Variants in SPOCK1 observed in about 807,000 individuals in gnomAD.
SPOCK1 encodes SPARC (osteonectin), cwcv and kazal like domains proteoglycan 1.
Under a neutral mutation model 55.3 loss-of-function variants are expected in SPOCK1, and 23 were observed. The ratio of observed to expected loss-of-function variants is 0.42; its 90% CI spans 0.30 to 0.59. SPOCK1 has a LOEUF of 0.59. SPOCK1 is among the 20% of genes least tolerant of loss of function. The pLI is 0.22. For synonymous variants in SPOCK1, 226 were observed against 221.0 expected, an observed-to-expected ratio of 1.02 and a Z score of -0.20; for missense variants, 499 against 552.5, an observed-to-expected ratio of 0.90 and a Z score of 0.97.
chr5:137,024,146 A>C (rs1157703738), intron 6 of SPOCK1, among the ~76,000 whole-genome samples: 3 of 151,992 alleles, frequency 2.0e-5, no homozygotes, highest in Non-Finnish European at 4.4e-5. Context: ...ACAGAAGAAA[A>C]CTTTGGCTTT....
intron 2 of SPOCK1, among the ~76,000 whole-genome samples, chr5:137,447,582 T>C (rs1462612039): frequency 6.6e-6 from 1 of 152,136 alleles, no homozygotes; most frequent in African/African-American, 2.4e-5. Context: ...GGCAAACACA[T>C]GGATTTACCA....
chr5:137,291,436 T>C (rs964769338), intron 2 of SPOCK1, among the ~76,000 whole-genome samples: 1 of 152,184 alleles, frequency 6.6e-6, no homozygotes, highest in Non-Finnish European at 1.5e-5. Context: ...GTGTAATTCC[T>C]TCACCTGAAA....
In SPOCK1 at chr5:137,373,591, A is replaced by G. The variant is rs1452929588; in HGVS notation, c.187-106536T>C. ...CAGACTGGGGGCAGCCAAGACCTGG[A>G]CCTATGCAGGTGAGGGTCCTGAATG... is the stretch of plus-strand genomic sequence containing the variant. On this transcript the variant is annotated intron_variant, in intron 2 of 10. Coordinates refer to ENST00000394945, the MANE Select transcript of SPOCK1 (RefSeq NM_004598.4). Among the ~76,000 whole-genome samples, 8 of 152,290 alleles carry G rather than the reference A, an allele frequency of 5.3e-5. No homozygotes were observed. In the East Asian group the frequency reaches 1.5e-3, roughly 29 times the overall value.
intron 3 of SPOCK1, among the ~76,000 whole-genome samples, chr5:137,195,286 C>T (rs1476170678): frequency 6.6e-6 from 1 of 152,222 alleles, no homozygotes; most frequent in Non-Finnish European, 1.5e-5. Context: ...GAGCCTCTGC[C>T]TATTTAGTGG....
At chr5:137,423,364 C>T (rs1040535194) in intron 2 of SPOCK1, among the ~76,000 whole-genome samples, 4 of 152,192 alleles carry the variant, frequency 2.6e-5, no homozygotes, top group African/African-American at 7.2e-5. Context: ...TTTTGTTTTC[C>T]ATGCCCTGCC....
chr5:136,989,526 A>T (rs1236332372), intron 7 of SPOCK1, among the ~76,000 whole-genome samples: 1 of 152,196 alleles, frequency 6.6e-6, no homozygotes, highest in East Asian at 1.9e-4. Context: ...TATAGAAAGC[A>T]TGCTTCTAAG....
At chr5:137,482,075 G>A (rs1330301232) in intron 2 of SPOCK1, among the ~76,000 whole-genome samples, 4 of 152,322 alleles carry the variant, frequency 2.6e-5, no homozygotes, top group Admixed American at 2.0e-4. Context: ...ACCCATGCTG[G>A]ATGTCGGGGA....
chr5:137,208,032 A>G (rs954499947), intron 3 of SPOCK1, among the ~76,000 whole-genome samples: 4 of 151,990 alleles, frequency 2.6e-5, no homozygotes, highest in South Asian at 2.1e-4. Flanking sequence ...TCTCCCATTC[A>G]TCTCCCTCAC....
At chr5:137,089,258 C>T (rs1753012292) in intron 5 of SPOCK1, among the ~76,000 whole-genome samples, 1 of 152,188 alleles carries the variant, frequency 6.6e-6, no homozygotes, top group Non-Finnish European at 1.5e-5. Flanking sequence ...AAAACGACAA[C>T]AACAACAAAA....
intron 2 of SPOCK1, among the ~76,000 whole-genome samples, chr5:137,284,678 G>A (rs1453295420): frequency 6.6e-6 from 1 of 152,186 alleles, no homozygotes; most frequent in East Asian, 1.9e-4. Context: ...TTTTGAGACT[G>A]TCTGTTGTGG....
intron 5 of SPOCK1, among the ~76,000 whole-genome samples, chr5:137,084,171 T>C (rs190525427): frequency 6.6e-6 from 1 of 152,176 alleles, no homozygotes; most frequent in Non-Finnish European, 1.5e-5. Context: ...AAGCTATGGC[T>C]GTTATGTTGC....
intron 5 of SPOCK1, among the ~76,000 whole-genome samples, chr5:137,095,133 G>A (rs1402346703): frequency 6.6e-6 from 1 of 152,068 alleles, no homozygotes; most frequent in Admixed American, 6.5e-5. Flanking sequence ...ATGTTGGAGT[G>A]GTTTATGATG....
intron 3 of SPOCK1, among the ~76,000 whole-genome samples, chr5:137,157,633 A>C (rs2127048397): frequency 6.6e-6 from 1 of 152,332 alleles, no homozygotes; most frequent in African/African-American, 2.4e-5. Flanking sequence ...CTCTCTCCAT[A>C]GAGTTTTCTG....
intron 5 of SPOCK1, among the ~76,000 whole-genome samples, chr5:137,105,494 G>A (rs1010811512): frequency 6.6e-6 from 1 of 152,142 alleles, no homozygotes; most frequent in Non-Finnish European, 1.5e-5. Context: ...TGAGCTTAAA[G>A]CCATCTTGAG....
intron 6 of SPOCK1, among the ~76,000 whole-genome samples, chr5:137,057,641 C>A (rs1409395872): frequency 6.6e-6 from 1 of 152,156 alleles, no homozygotes; most frequent in Non-Finnish European, 1.5e-5. Context: ...TGGGGCCACA[C>A]CTTTCTTTGC....
chr5:137,284,104 G>C (rs916918623), intron 2 of SPOCK1, among the ~76,000 whole-genome samples: 2 of 152,220 alleles, frequency 1.3e-5, no homozygotes, highest in African/African-American at 4.8e-5. Context: ...ACATTTTGTA[G>C]CTGAGGAAAC....
intron 3 of SPOCK1, among the ~76,000 whole-genome samples, chr5:137,158,095 A>C (rs565294495): frequency 2.0e-5 from 3 of 152,298 alleles, no homozygotes; most frequent in African/African-American, 7.2e-5. Flanking sequence ...ACAAAACTTT[A>C]TGGGCATTTT....
At chr5:137,132,035 C>A in intron 4 of SPOCK1, among the ~76,000 whole-genome samples, 2 of 78,374 alleles carry the variant, frequency 2.6e-5, no homozygotes, top group East Asian at 3.6e-4. Context: ...ATTAGCTGGG[C>A]ATGGTGGCAA....
intron 2 of SPOCK1, among the ~76,000 whole-genome samples, chr5:137,314,925 A>T (rs953343740): frequency 3.9e-5 from 6 of 152,154 alleles, no homozygotes; most frequent in African/African-American, 2.4e-5. Flanking sequence ...GTCCACCTAC[A>T]TGCACCAGCT....
Sources: allele counts gnomAD v4.1 joint callset (sites outside exome capture counted in the v4.1 genomes callset), GRCh38; gene constraint gnomAD v4.1.1; transcripts MANE v1.5; gene names NCBI Gene and HGNC (gene_info 2026-07-23, HGNC 2026-07-21).